The following C17orf67 variants were observed in gnomAD, a reference collection of about 807,000 sequenced individuals.
C17orf67 encodes chromosome 17 open reading frame 67.
C17orf67 carries 12 observed loss-of-function variants against 11.2 expected under a neutral mutation model. The observed-to-expected ratio is 1.07, with a 90% CI of 0.68 to 1.73. C17orf67 has a LOEUF of 1.73. C17orf67 is among the 40% of genes most tolerant of loss of function. C17orf67 has a pLI of 0.00. For synonymous variants in C17orf67, 59 were observed against 46.9 expected, an observed-to-expected ratio of 1.26 and a Z score of -1.05; for missense variants, 115 against 113.5, an observed-to-expected ratio of 1.01 and a Z score of -0.06.
chr17:56,800,971 C>T (rs1245088430), intron 6 of C17orf67, among the ~76,000 whole-genome samples: 1 of 152,224 alleles, frequency 6.6e-6, no homozygotes, highest in African/African-American at 2.4e-5. Context: ...ATTACTTAAG[C>T]CCAGGAGTTT....
intron 2 of C17orf67, among the ~76,000 whole-genome samples, chr17:56,830,136 G>A (rs902488541): frequency 2.0e-5 from 3 of 152,002 alleles, no homozygotes; most frequent in Non-Finnish European, 4.4e-5. Context: ...GAGGTCAGGA[G>A]ATCAGGACCA....
At chr17:56,800,298 C>A (rs1048319894) in intron 6 of C17orf67, among the ~76,000 whole-genome samples, 2 of 152,158 alleles carry the variant, frequency 1.3e-5, no homozygotes, top group African/African-American at 4.8e-5. Flanking sequence ...ATCTCCTGAC[C>A]TCGTGATCCA....
At chr17:56,802,795 G>A (rs72837351) in intron 6 of C17orf67, among the ~76,000 whole-genome samples, 412 of 152,374 alleles carry the variant, frequency 2.7e-3, no homozygotes, top group Non-Finnish European at 4.8e-3. Flanking sequence ...AAGGCTTGTT[G>A]AAGAAAAGAC....
chr17:56,805,431 C>T (rs1905422884), intron 6 of C17orf67, among the ~76,000 whole-genome samples: 1 of 152,184 alleles, frequency 6.6e-6, no homozygotes, highest in African/African-American at 2.4e-5. Context: ...CCTATTCCTC[C>T]CTCCCTGCAC....
intron 4 of C17orf67, among the ~76,000 whole-genome samples, chr17:56,820,041 G>T (rs1183818356): frequency 6.6e-6 from 1 of 152,178 alleles, no homozygotes; most frequent in Non-Finnish European, 1.5e-5. Context: ...GCATTCATCA[G>T]ATGTTGTGGC....
Position 56,828,853 on chromosome 17 carries a change from CAA to C in C17orf67, c.-556-3534_-556-3533del, listed in dbSNP as rs11346468. 7.2e-3 allele frequency among the ~76,000 whole-genome samples: 887 copies of C among 123,010 alleles called. 4 individuals carry two copies. Among genetic ancestry groups the C allele is most frequent in the African/African-American group, 0.02 (663 of 33,552 alleles). The allele number at this position is 123,010 out of a possible 152,430, so 80.7% of individuals were successfully genotyped here. On this transcript the variant is annotated intron_variant, in intron 2 of 7. Transcript: ENST00000397861. ...AACTCACAGGCAAGCACAGTGATGACAAAAAAAAAAAAAAAAACACTGCAGAG... is the reference window on the plus strand; with the variant it reads ...AACTCACAGGCAAGCACAGTGATGACAAAAAAAAAAAAAAACACTGCAGAG...
chr17:56,797,079 C>A (rs747233193), intron 6 of C17orf67, among the ~76,000 whole-genome samples: 1 of 152,158 alleles, frequency 6.6e-6, no homozygotes, highest in Non-Finnish European at 1.5e-5. Context: ...TGCCCTCCCA[C>A]CTTGGTCTAC....
At chr17:56,807,118 C>T (rs1324251164) in intron 6 of C17orf67, among the ~76,000 whole-genome samples, 1 of 151,562 alleles carries the variant, frequency 6.6e-6, no homozygotes, top group Admixed American at 6.5e-5. Flanking sequence ...GGGAGGTGAG[C>T]TTTAAAGCCA....
intron 6 of C17orf67, among the ~76,000 whole-genome samples, chr17:56,810,716 C>T (rs527312635): frequency 6.6e-6 from 1 of 152,356 alleles, no homozygotes; most frequent in East Asian, 1.9e-4. Context: ...CGTATGGCAG[C>T]TCTAATGCCA....
rs1598007817 is a variant in C17orf67 at position 56,833,893 on chromosome 17, A to G, written c.-1277T>C. ...ACGAAGTTTTGGCATTCAACCCTCC[A>G]TCCTCTCAAACGCCCCACTGTTACT... On this transcript the variant is annotated 5_prime_UTR_variant, in exon 1 of 8. An upstream start codon of the reference 5' UTR is lost. Coordinates refer to ENST00000397861, the MANE Select transcript of C17orf67 (RefSeq NM_001085430.4). 6.6e-6 allele frequency: 1 copy of G among 152,086 alleles called. No homozygotes were observed. The highest frequency in any genetic ancestry group is 2.4e-5 in the African/African-American group (1 of 41,256). The allele number at this position is 152,086 out of a possible 1,614,324, so 9.4% of individuals were successfully genotyped here.
At chr17:56,794,610 AG>A (rs1905174366) in intron 7 of C17orf67, among the ~76,000 whole-genome samples, 1 of 152,170 alleles carries the variant, frequency 6.6e-6, no homozygotes, top group South Asian at 2.1e-4. Context: ...GGAAGGCAGT[AG>A]GGAACAGGAG....
chr17:56,825,432 C>T (rs1395620980), intron 2 of C17orf67, 111 bp from the exon 3 acceptor site: 2 of 152,166 alleles, frequency 1.3e-5, no homozygotes, highest in Non-Finnish European at 2.9e-5. Flanking sequence ...AGTGTATCTC[C>T]TCAGGTGTGG....
chr17:56,794,990 G>A, intron 7 of C17orf67, 54 bp downstream of exon 7: 1 of 1,299,888 alleles, frequency 7.7e-7, no homozygotes, highest in South Asian at 1.2e-5. Flanking sequence ...CCCATGCCAT[G>A]CTGTCCCCCA....
chr17:56,818,260 G>C (rs1905810815), intron 4 of C17orf67, among the ~76,000 whole-genome samples: 1 of 152,018 alleles, frequency 6.6e-6, no homozygotes, highest in Non-Finnish European at 1.5e-5. Context: ...TGGTTGGATA[G>C]AACACTATTT....
chr17:56,801,036 G>C (rs889505824), intron 6 of C17orf67, among the ~76,000 whole-genome samples: 4 of 152,242 alleles, frequency 2.6e-5, no homozygotes, highest in Non-Finnish European at 5.9e-5. Context: ...GCAACAGGGT[G>C]AGGCTCAAAC....
At chr17:56,797,429 C>T (rs1305674469) in intron 6 of C17orf67, among the ~76,000 whole-genome samples, 1 of 152,084 alleles carries the variant, frequency 6.6e-6, no homozygotes, top group Non-Finnish European at 1.5e-5. Flanking sequence ...TCCTCTTCCC[C>T]TCAATATCCT....
intron 6 of C17orf67, among the ~76,000 whole-genome samples, chr17:56,798,842 T>A (rs190953819): frequency 9.9e-5 from 15 of 151,854 alleles, no homozygotes; most frequent in Non-Finnish European, 1.6e-4. Context: ...TCAAAAAAGA[T>A]AAATAAACAC....
intron 7 of C17orf67, among the ~76,000 whole-genome samples, chr17:56,793,764 T>C (rs747455966): frequency 5.3e-5 from 8 of 152,178 alleles, no homozygotes; most frequent in Non-Finnish European, 1.0e-4. Flanking sequence ...AGTGAGGGCT[T>C]CCAGTGCTAA....
intron 1 of C17orf67, 133 bp downstream of exon 1, chr17:56,833,485 G>T (rs1161110986): frequency 6.6e-6 from 1 of 150,966 alleles, no homozygotes; most frequent in Non-Finnish European, 1.5e-5. Context: ...GCAGGGGGCG[G>T]AAACCGCGGC....
Sources: allele counts gnomAD v4.1 joint callset (sites outside exome capture counted in the v4.1 genomes callset), GRCh38; gene constraint gnomAD v4.1.1; transcripts MANE v1.5; gene names NCBI Gene and HGNC (gene_info 2026-07-23, HGNC 2026-07-21).